KCNN2: variants seen among roughly 807,000 people sequenced by gnomAD.
The protein encoded by KCNN2 is small conductance calcium-activated potassium channel protein 2.
KCNN2 carries 24 observed loss-of-function variants against 55.5 expected under a neutral mutation model. That is an observed-to-expected ratio of 0.43 (90% CI 0.31 to 0.61). The LOEUF (loss-of-function observed/expected upper bound fraction) is 0.61, where lower values mean the gene tolerates loss of function less well. KCNN2 is among the 20% of genes least tolerant of loss of function. The pLI is 0.08. For missense variants in KCNN2, 754 were observed against 853.6 expected (o/e 0.88, Z 1.45); for synonymous variants, 431 against 336.1 (o/e 1.28, Z -3.09).
intron 2 of KCNN2, among the ~76,000 whole-genome samples, chr5:114,316,654 G>T (rs915390336): frequency 2.6e-5 from 4 of 152,070 alleles, no homozygotes; most frequent in African/African-American, 4.8e-5. Context: ...TGTTAACATG[G>T]TCCCCAAAAT....
chr5:114,361,560 G>A (rs1019991502), upstream of KCNN2, among the ~76,000 whole-genome samples: 3 of 152,202 alleles, frequency 2.0e-5, no homozygotes, highest in Admixed American at 6.5e-5. Context: ...GGAGAAGCGG[G>A]CGTGGGACGA....
In KCNN2 at chr5:114,095,047, C is replaced by T. The variant is rs150398098; in HGVS notation, c.-271+38547C>T. Among the ~76,000 whole-genome samples, 345 of 152,160 alleles carry T rather than the reference C, an allele frequency of 2.3e-3. 2 individuals are homozygous for T. The highest frequency in any genetic ancestry group is 0.02 in the Middle Eastern group (6 of 294). ...AATATGCATGAGGCCTGATTCCAGC[C>T]TGTCTTCTAGAGTAGAGAGTGAAGA... On this transcript the variant is annotated intron_variant, in intron 1 of 10. Coordinates refer to the KCNN2 transcript ENST00000512097.
At chr5:114,139,074 A>G (rs1210098988) in intron 1 of KCNN2, among the ~76,000 whole-genome samples, 1 of 152,174 alleles carries the variant, frequency 6.6e-6, no homozygotes, top group East Asian at 1.9e-4. Context: ...CTGCCGTATT[A>G]TTACTTGAAA....
chr5:114,462,035 T>G (rs1348524909), intron 3 of KCNN2, among the ~76,000 whole-genome samples: 2 of 152,236 alleles, frequency 1.3e-5, no homozygotes, highest in Non-Finnish European at 2.9e-5. Context: ...AGTCTTCTAG[T>G]GACCAGAGTC....
chr5:114,276,298 AT>A (rs1460630624), intron 2 of KCNN2, among the ~76,000 whole-genome samples: 1 of 152,122 alleles, frequency 6.6e-6, no homozygotes, highest in Non-Finnish European at 1.5e-5. Flanking sequence ...AGAAGAATGT[AT>A]ATTCTGTTGA....
chr5:114,344,314 C>G (rs1757069006), intron 2 of KCNN2, among the ~76,000 whole-genome samples: 1 of 152,162 alleles, frequency 6.6e-6, no homozygotes, highest in Admixed American at 6.5e-5. Flanking sequence ...GAAGGACTGA[C>G]AGAACTCCCT....
At chr5:114,485,292 A>G (rs1022546466) in intron 5 of KCNN2, among the ~76,000 whole-genome samples, 1 of 152,108 alleles carries the variant, frequency 6.6e-6, no homozygotes. Flanking sequence ...GAGAGCCTCC[A>G]TCAGGGCCCC....
chr5:114,451,498 AAG>A (rs1760676037), intron 3 of KCNN2, among the ~76,000 whole-genome samples: 1 of 152,202 alleles, frequency 6.6e-6, no homozygotes, highest in African/African-American at 2.4e-5. Flanking sequence ...CAATGAAAAG[AAG>A]AGAGGAAGAC....
At chr5:114,100,543 C>T (rs1338334950) in intron 1 of KCNN2, among the ~76,000 whole-genome samples, 1 of 151,926 alleles carries the variant, frequency 6.6e-6, no homozygotes, top group Admixed American at 6.6e-5. Flanking sequence ...GTATCCTCTT[C>T]TTGGGTGTAT....
chr5:114,302,402 G>T (rs1289417255), intron 2 of KCNN2, among the ~76,000 whole-genome samples: 2 of 151,832 alleles, frequency 1.3e-5, no homozygotes, highest in African/African-American at 2.4e-5. Flanking sequence ...TGCTACTGCA[G>T]ACAAAATATA....
chr5:114,407,924 C>G (rs1220226699), intron 3 of KCNN2, among the ~76,000 whole-genome samples: 1 of 152,182 alleles, frequency 6.6e-6, no homozygotes, highest in Admixed American at 6.5e-5. Context: ...AGACTTCTGC[C>G]AGGTTGCGAA....
At chr5:114,314,261 G>A (rs1412194290) in intron 2 of KCNN2, among the ~76,000 whole-genome samples, 2 of 152,046 alleles carry the variant, frequency 1.3e-5, no homozygotes, top group Admixed American at 1.3e-4. Flanking sequence ...GCATAGTTTC[G>A]CTATTAACAC....
chr5:114,443,461 T>C (rs574371508), intron 3 of KCNN2, among the ~76,000 whole-genome samples: 7 of 152,230 alleles, frequency 4.6e-5, no homozygotes, highest in Non-Finnish European at 8.8e-5. Flanking sequence ...GAAAGAACTT[T>C]AGAATCATTA....
intron 1 of KCNN2, among the ~76,000 whole-genome samples, chr5:114,157,620 T>G (rs371407410): frequency 6.6e-6 from 1 of 152,230 alleles, no homozygotes; most frequent in South Asian, 2.1e-4. Flanking sequence ...ACAGTCCTAC[T>G]AACAGTATAA....
chr5:114,249,303 A>G (rs913319534), intron 2 of KCNN2, among the ~76,000 whole-genome samples: 3 of 140,294 alleles, frequency 2.1e-5, no homozygotes, highest in South Asian at 2.3e-4. Context: ...TTTTTTAATG[A>G]GAGGGAATCT....
chr5:114,189,228 A>C (rs1428961234), intron 1 of KCNN2, among the ~76,000 whole-genome samples: 1 of 151,900 alleles, frequency 6.6e-6, no homozygotes, highest in Non-Finnish European at 1.5e-5. Context: ...AAGTCCCAGG[A>C]TCTGCAGTCT....
chr5:114,314,947 T>C (rs1433199969), intron 2 of KCNN2, among the ~76,000 whole-genome samples: 1 of 152,184 alleles, frequency 6.6e-6, no homozygotes, highest in Non-Finnish European at 1.5e-5. Flanking sequence ...TTTGAGCATG[T>C]CACTGAGGCT....
chr5:114,145,648 C>T (rs560530531), intron 1 of KCNN2, among the ~76,000 whole-genome samples: 8 of 152,122 alleles, frequency 5.3e-5, no homozygotes, highest in Non-Finnish European at 8.8e-5. Context: ...GGCAGGACAA[C>T]GATCATCTAC....
chr5:114,191,183 G>A (rs1347897706), intron 1 of KCNN2, among the ~76,000 whole-genome samples: 2 of 152,096 alleles, frequency 1.3e-5, no homozygotes, highest in Non-Finnish European at 2.9e-5. Flanking sequence ...TGTATATAAG[G>A]TATAAAGTTT....
Sources: allele counts gnomAD v4.1 joint callset (sites outside exome capture counted in the v4.1 genomes callset), GRCh38; gene constraint gnomAD v4.1.1; transcripts MANE v1.5; gene names NCBI Gene and HGNC (gene_info 2026-07-23, HGNC 2026-07-21).